Variants in ZNF711 observed in about 807,000 individuals in gnomAD.
ZNF711 encodes ZFX family zinc finger ZNF711.
Under a neutral mutation model 43.5 loss-of-function variants are expected in ZNF711, and 3 were observed. The ratio of observed to expected loss-of-function variants is 0.07; its 90% CI spans 0.03 to 0.18. The LOEUF (loss-of-function observed/expected upper bound fraction) is 0.18, where lower values mean the gene tolerates loss of function less well. ZNF711 is among the 10% of genes least tolerant of loss of function. The pLI is 1.00. For synonymous variants in ZNF711, 209 were observed against 207.7 expected, an observed-to-expected ratio of 1.01 and a Z score of -0.06; for missense variants, 412 against 604.0, an observed-to-expected ratio of 0.68 and a Z score of 3.33.
At position 85,270,961 on chromosome X, in the gene ZNF711, G is replaced by A. The variant is rs1931524679; in HGVS notation, c.1557G>A (p.Pro519=). Residue 519 remains proline, a synonymous_variant, in exon 11 of 11, where the codon CCG becomes CCA. Transcript: ENST00000674551. ...SNKLILRDKE[P]KMHKCKYCDY... ...AACTTATTTTAAGAGACAAGGAGCC[G>A]AAGATGCACAAGTGCAAATACTGTG... is the stretch of plus-strand genomic sequence containing the variant. The A allele has an allele frequency of 7.4e-6, 9 of 1,210,775 alleles. No homozygotes were observed. The highest frequency in any genetic ancestry group is 1.0e-5 in the Non-Finnish European group (9 of 895,071).
intron 4 of ZNF711, among the ~76,000 whole-genome samples, chrX:85,253,668 C>T (rs1457456445): frequency 9.1e-6 from 1 of 109,567 alleles, no homozygotes; most frequent in South Asian, 3.9e-4. Flanking sequence ...ATATTCTATG[C>T]AGTTTTATCC....
chrX:85,259,970 T>A (rs1362767503), intron 5 of ZNF711, among the ~76,000 whole-genome samples: 1 of 111,547 alleles, frequency 9.0e-6, no homozygotes, highest in Non-Finnish European at 1.9e-5. Flanking sequence ...ATTCCAGTTC[T>A]CAAGAAGAAT....
Position 85,268,315 on chromosome X carries a change from G to T in ZNF711, c.1076G>T (p.Arg359Leu). 9.9e-7 allele frequency: 1 copy of T among 1,006,943 alleles called. No homozygotes were observed. 83.0% of individuals were successfully genotyped at this position (1,006,943 alleles called of 1,213,427 possible). The change falls in exon 9 of 11, where the codon CGA becomes CTA. Residue 359 changes from arginine to leucine, a missense_variant. Coordinates refer to ENST00000674551, the MANE Select transcript of ZNF711 (RefSeq NM_001330574.2). Reference sequence around the variant, plus strand: ...TTAGGAGATGAAAGAAGAGTTTCCCGAAGGTATGAAGATTGTCAAGCATCA... The same window carrying T: ...TTAGGAGATGAAAGAAGAGTTTCCCTAAGGTATGAAGATTGTCAAGCATCA... ...AAYGDERRVS[R>L]RYEDCQASGN...
chrX:85,264,264 A>T lies in ZNF711; in HGVS notation c.623-11A>T. 1 of 1,183,885 alleles carries T rather than the reference A, an allele frequency of 8.4e-7. No homozygotes were observed. Among genetic ancestry groups the T allele is most frequent in the Non-Finnish European group, 1.1e-6 (1 of 873,185 alleles). ...TTTTTTGACTGAAATAATTTTGTTT[A>T]TATTTTATAGTGGATGATGTTGGAG... On this transcript the variant is annotated splice_polypyrimidine_tract_variant and intron_variant, in intron 5 of 10. Transcript: ENST00000674551.
At chrX:85,266,345 A>AT (rs1262341297) in intron 7 of ZNF711, among the ~76,000 whole-genome samples, 1 of 111,236 alleles carries the variant, frequency 9.0e-6, no homozygotes, top group African/African-American at 3.3e-5. Flanking sequence ...TAAATTCTTT[A>AT]TTTTTTTATT....
chrX:85,268,268 C>CTTTTTT (rs753221892), intron 8 of ZNF711, 26 bp from the exon 9 acceptor site: 34 of 909,907 alleles, frequency 3.7e-5, no homozygotes, highest in African/African-American at 3.2e-4. Flanking sequence ...TGTAATTGGT[C>CTTTTTT]TTTTTTTTTT....
intron 4 of ZNF711, among the ~76,000 whole-genome samples, chrX:85,250,339 A>G (rs1452452000): frequency 2.7e-5 from 3 of 111,732 alleles, no homozygotes; most frequent in African/African-American, 9.7e-5. Context: ...CTGCATAAAT[A>G]TGTAGAAAGT....
chrX:85,269,907 G>T, intron 9 of ZNF711, 96 bp from the exon 10 acceptor site: 1 of 884,050 alleles, frequency 1.1e-6, no homozygotes, highest in Non-Finnish European at 1.7e-6. Flanking sequence ...TACCAGAGTG[G>T]TAACTTGGTG....
chrX:85,250,080 T>G (rs974415118), intron 4 of ZNF711, among the ~76,000 whole-genome samples: 6 of 112,418 alleles, frequency 5.3e-5, no homozygotes, highest in Middle Eastern at 4.2e-3. Flanking sequence ...TACACCACAT[T>G]TGGTTTATTT....
intron 4 of ZNF711, among the ~76,000 whole-genome samples, chrX:85,251,167 A>T (rs751353421): frequency 1.8e-5 from 2 of 111,510 alleles, no homozygotes; most frequent in South Asian, 7.4e-4. Context: ...CACAGAGCTA[A>T]CCAAATAAGA....
At chrX:85,264,197 T>C (rs752453900) in intron 5 of ZNF711, 78 bp from the exon 6 acceptor site, 1 of 825,942 alleles carries the variant, frequency 1.2e-6, no homozygotes, top group Non-Finnish European at 1.8e-6. Flanking sequence ...ACCCACTAAA[T>C]AGTGGTAATT....
intron 6 of ZNF711, 148 bp downstream of exon 6, chrX:85,264,578 T>A: frequency 2.0e-6 from 1 of 503,672 alleles, no homozygotes; most frequent in Non-Finnish European, 3.2e-6. Context: ...TGTATATGAA[T>A]ATAAAGCAGG....
At chrX:85,267,476 G>A in intron 8 of ZNF711, 61 bp downstream of exon 8, 2 of 938,225 alleles carry the variant, frequency 2.1e-6, no homozygotes, top group East Asian at 4.0e-5. Flanking sequence ...CAGCCTTTAG[G>A]CCATTAAATA....
chrX:85,244,729 G>C (rs1928857922), intron 1 of ZNF711: 1 of 109,203 alleles, frequency 9.2e-6, no homozygotes, highest in Admixed American at 9.7e-5. Flanking sequence ...CTGGGAGTTG[G>C]GGGGAGGGGG....
intron 4 of ZNF711, among the ~76,000 whole-genome samples, chrX:85,249,959 G>A (rs1929405633): frequency 8.9e-6 from 1 of 111,922 alleles, no homozygotes; most frequent in African/African-American, 3.2e-5. Flanking sequence ...ATATATGGTC[G>A]TTGTGTCTGG....
Position 85,273,183 on chromosome X carries a change from A to T in ZNF711, c.*1355A>T, listed in dbSNP as rs1384421310. On this transcript the variant is annotated 3_prime_UTR_variant, in exon 11 of 11. Coordinates refer to ENST00000674551, the MANE Select transcript of ZNF711 (RefSeq NM_001330574.2). ...ATAAGAATCAGTTCCTTGAGAATAA[A>T]TTTTTTATCTTTCTTAACTTCAGAA... The T allele has an allele frequency of 8.9e-6, 1 of 111,739 alleles. No homozygotes were observed. The highest frequency in any genetic ancestry group is 1.9e-5 in the Non-Finnish European group (1 of 52,934). The allele number at this position is 111,739 out of a possible 1,213,427, so 9.2% of individuals were successfully genotyped here.
chrX:85,255,699 C>G lies in ZNF711; in HGVS notation c.520C>G (p.Gln174Glu), dbSNP rs769490728. Residue 174 changes from glutamine (Q) to glutamate (E), a missense_variant, in exon 5 of 11, where the codon CAA becomes GAA. Physicochemically the swap from Gln to Glu is conservative, Grantham distance 29. Transcript: ENST00000674551. ...VTNSDTETVIQAAGGVPGSTV... is the reference protein window; with the variant it reads ...VTNSDTETVIEAAGGVPGSTV... ...TAATTCAGATACAGAAACTGTGATT[C>G]AAGCAGCTGGAGGTGTTCCTGGTTC... The G allele has an allele frequency of 1.7e-6, 2 of 1,209,046 alleles. No homozygotes were observed. The highest frequency in any genetic ancestry group is 2.2e-6 in the Non-Finnish European group (2 of 894,962).
At chrX:85,264,180 G>A in intron 5 of ZNF711, 95 bp from the exon 6 acceptor site, 1 of 683,727 alleles carries the variant, frequency 1.5e-6, no homozygotes, top group Non-Finnish European at 2.3e-6. Context: ...TTACACTTCA[G>A]CTTAACACCC....
rs146187182 is a variant in ZNF711, at chrX:85,269,306, C to T, written c.1103-697C>T. ...CCTTCATTGGTAAAAAAAAATTGGT[C>T]TGATGCCAAGATTTTGTTTCAAATT... On this transcript the variant is annotated intron_variant, in intron 9 of 10. Coordinates refer to ENST00000674551, the MANE Select transcript of ZNF711 (RefSeq NM_001330574.2). Among the ~76,000 whole-genome samples the T allele has an allele frequency of 3.5e-4, 39 of 110,193 alleles. No individual in the cohort carries two copies. The East Asian group carries it at 9.5e-3, about 27-fold the overall frequency.
Sources: gnomAD v4.1 joint callset for allele counts (sites outside exome capture counted in the v4.1 genomes callset) on GRCh38, gnomAD v4.1.1 for gene constraint, MANE v1.5 for transcripts, NCBI Gene and HGNC (gene_info 2026-07-23, HGNC 2026-07-21) for gene names.